MORC3: variants seen among roughly 807,000 people sequenced by gnomAD.
The protein encoded by MORC3 is MORC family CW-type zinc finger protein 3.
In MORC3, 31 loss-of-function variants were observed where a neutral mutation model predicts 109.1. That is an observed-to-expected ratio of 0.28 (90% CI 0.21 to 0.38). The LOEUF is 0.38. Ranked by LOEUF, MORC3 falls within the 10% of genes least tolerant of loss-of-function variation. The pLI is 1.00. For synonymous variants in MORC3, 395 were observed against 380.7 expected, an observed-to-expected ratio of 1.04 and a Z score of -0.44; for missense variants, 867 against 1,135.8, an observed-to-expected ratio of 0.76 and a Z score of 3.40.
At chr21:36,349,144 T>G (rs777773507) in intron 8 of MORC3, among the ~76,000 whole-genome samples, 167 bp from the exon 9 acceptor site, 7 of 151,838 alleles carry the variant, frequency 4.6e-5, no homozygotes, top group Non-Finnish European at 8.8e-5. Context: ...GGTGACCAAA[T>G]GAGACTCTGT....
At chr21:36,326,931 T>G (rs982572642) in intron 1 of MORC3, among the ~76,000 whole-genome samples, 37 of 151,210 alleles carry the variant, frequency 2.4e-4, no homozygotes, top group African/African-American at 9.0e-4. Flanking sequence ...TTCTTGTGCC[T>G]CAGCCTCCCT....
At chr21:36,367,500 G>T (rs536207845) in intron 14 of MORC3, among the ~76,000 whole-genome samples, 84 of 152,256 alleles carry the variant, frequency 5.5e-4, no homozygotes, top group Non-Finnish European at 7.2e-4. Context: ...AAATCATTTA[G>T]AATGAAAAGC....
chr21:36,321,453 C>T (rs2085192582), intron 1 of MORC3, among the ~76,000 whole-genome samples: 1 of 151,494 alleles, frequency 6.6e-6, no homozygotes, highest in African/African-American at 2.4e-5. Flanking sequence ...TTTACGTATT[C>T]TGGATAAAGG....
Position 36,341,561 on chromosome 21 carries a change from C to G in MORC3, c.756+15C>G. The G allele has an allele frequency of 1.2e-6, 2 of 1,613,484 alleles. No individual in the cohort carries two copies. The highest frequency in any genetic ancestry group is 2.2e-5 in the East Asian group (1 of 44,868). ...ATTCCCTGAGGGTATGTATTCAGCTCTCTTTGTGGAAGTGAGAAAATCATT... is the reference window on the plus strand; with the variant it reads ...ATTCCCTGAGGGTATGTATTCAGCTGTCTTTGTGGAAGTGAGAAAATCATT... On this transcript the variant is annotated intron_variant, in intron 6 of 16. Coordinates refer to ENST00000400485, the MANE Select transcript of MORC3 (RefSeq NM_015358.3).
At chr21:36,361,159 A>G (rs1356168978) in intron 12 of MORC3, among the ~76,000 whole-genome samples, 1 of 152,036 alleles carries the variant, frequency 6.6e-6, no homozygotes. Flanking sequence ...TCTACCACAC[A>G]CAGAAGGCCA....
chr21:36,323,170 T>A (rs1367640438), intron 1 of MORC3, among the ~76,000 whole-genome samples: 1 of 152,192 alleles, frequency 6.6e-6, no homozygotes, highest in Admixed American at 6.5e-5. Context: ...GGGACTTCCC[T>A]TTAACATCTG....
At chr21:36,343,697 T>C (rs892427825) in intron 6 of MORC3, among the ~76,000 whole-genome samples, 2 of 152,022 alleles carry the variant, frequency 1.3e-5, no homozygotes, top group Non-Finnish European at 2.9e-5. Flanking sequence ...TCCGCCCGCC[T>C]CGGCCTCCCA....
intron 9 of MORC3, 104 bp downstream of exon 9, chr21:36,349,512 TAAAG>T: frequency 1.5e-6 from 1 of 678,778 alleles, no homozygotes; most frequent in Non-Finnish European, 2.3e-6. Context: ...ACCTTATTAG[TAAAG>T]AAAGGTTTGA....
chr21:36,372,613 T>A, intron 16 of MORC3, 82 bp downstream of exon 16: 1 of 1,351,674 alleles, frequency 7.4e-7, no homozygotes, highest in Non-Finnish European at 9.8e-7. Flanking sequence ...ACCCATCAAA[T>A]AGATACTGTT....
intron 8 of MORC3, among the ~76,000 whole-genome samples, chr21:36,348,648 A>G (rs1238777113): frequency 1.3e-5 from 2 of 152,154 alleles, no homozygotes; most frequent in Non-Finnish European, 2.9e-5. Flanking sequence ...ACCTCAGGTG[A>G]TCTGCCCACC....
chr21:36,321,958 G>C (rs754536455), intron 1 of MORC3, among the ~76,000 whole-genome samples: 1 of 152,218 alleles, frequency 6.6e-6, no homozygotes, highest in Admixed American at 6.5e-5. Flanking sequence ...TGTAGCTGCT[G>C]TCCATGTGCT....
chr21:36,343,241 A>T (rs2085470405), intron 6 of MORC3, among the ~76,000 whole-genome samples: 1 of 151,048 alleles, frequency 6.6e-6, no homozygotes, highest in Non-Finnish European at 1.5e-5. Flanking sequence ...GATTACAGGC[A>T]TGCGCCACCA....
intron 10 of MORC3, among the ~76,000 whole-genome samples, chr21:36,359,109 T>G (rs560908720): frequency 6.6e-6 from 1 of 152,326 alleles, no homozygotes; most frequent in East Asian, 1.9e-4. Context: ...GAATTCTGTT[T>G]TCTGGACTTG....
At chr21:36,357,398 C>T (rs1159941572) in intron 10 of MORC3, among the ~76,000 whole-genome samples, 1 of 152,042 alleles carries the variant, frequency 6.6e-6, no homozygotes, top group Non-Finnish European at 1.5e-5. Context: ...GTATAGACTT[C>T]CCATCGTACT....
chr21:36,330,196 T>C (rs998683323), intron 1 of MORC3, among the ~76,000 whole-genome samples: 1 of 152,082 alleles, frequency 6.6e-6, no homozygotes, highest in African/African-American at 2.4e-5. Flanking sequence ...CTTTTTTTTT[T>C]CTTTCCAGAT....
intron 15 of MORC3, among the ~76,000 whole-genome samples, chr21:36,371,815 GTTTT>G (rs545030354): frequency 8.0e-6 from 1 of 124,274 alleles, no homozygotes; most frequent in African/African-American, 4.2e-5. Flanking sequence ...GTTTTGTTTT[GTTTT>G]TTTTTTTTTT....
At chr21:36,345,727 T>C (rs1412255699) in intron 8 of MORC3, among the ~76,000 whole-genome samples, 2 of 152,120 alleles carry the variant, frequency 1.3e-5, no homozygotes, top group African/African-American at 4.8e-5. Flanking sequence ...GCCAGTTGTT[T>C]TGTATTTTTA....
intron 1 of MORC3, among the ~76,000 whole-genome samples, chr21:36,330,859 G>C (rs1455663286): frequency 1.3e-5 from 2 of 152,150 alleles, no homozygotes; most frequent in Non-Finnish European, 2.9e-5. Flanking sequence ...TAGAAATTTA[G>C]TTTCATTAAG....
chr21:36,326,312 T>C (rs1315280136), intron 1 of MORC3, among the ~76,000 whole-genome samples: 1 of 151,972 alleles, frequency 6.6e-6, no homozygotes, highest in Non-Finnish European at 1.5e-5. Flanking sequence ...TCACTTGAGA[T>C]CAGGAGTTTG....
Sources: gnomAD v4.1 joint callset for allele counts (sites outside exome capture counted in the v4.1 genomes callset) on GRCh38, gnomAD v4.1.1 for gene constraint, MANE v1.5 for transcripts, NCBI Gene and HGNC (gene_info 2026-07-23, HGNC 2026-07-21) for gene names.